CCND3: variants seen among roughly 807,000 people sequenced by gnomAD.
CCND3 encodes the protein G1/S-specific cyclin-D3.
CCND3 carries 9 observed loss-of-function variants against 28.7 expected under a neutral mutation model. The ratio of observed to expected loss-of-function variants is 0.31; its 90% CI spans 0.19 to 0.55. CCND3 has a LOEUF of 0.55. CCND3 is among the 20% of genes least tolerant of loss of function. The pLI, the probability that CCND3 is intolerant of heterozygous loss-of-function variation, is 0.93. For synonymous variants in CCND3, 164 were observed against 163.9 expected (o/e 1.00, Z 0.00); for missense variants, 315 against 385.8 (o/e 0.82, Z 1.54).
chr6:42,002,582 G>A (rs1763042802), intron 1 of CCND3, among the ~76,000 whole-genome samples: 3 of 152,310 alleles, frequency 2.0e-5, no homozygotes, highest in South Asian at 4.1e-4. Flanking sequence ...GCTGGGCGTG[G>A]TGGCTCACGC....
At chr6:42,036,016 A>G (rs983039734) in intron 1 of CCND3, among the ~76,000 whole-genome samples, 4 of 149,884 alleles carry the variant, frequency 2.7e-5, no homozygotes, top group Non-Finnish European at 5.9e-5. Context: ...TTTGAGACAG[A>G]GTCTTGCTCT....
chr6:42,022,726 C>T (rs1013357597), intron 1 of CCND3, among the ~76,000 whole-genome samples: 2 of 152,102 alleles, frequency 1.3e-5, no homozygotes, highest in Admixed American at 6.5e-5. Context: ...GGGTCTGGCT[C>T]GCAAGGGAGG....
rs200046302 is a variant in CCND3 at position 41,936,008 on chromosome 6, G to T, written c.811C>A (p.Arg271=). The T allele has an allele frequency of 1.2e-6, 2 of 1,612,938 alleles. No individual in the cohort carries two copies. The highest frequency in any genetic ancestry group is 1.3e-5 in the African/African-American group (1 of 75,008). ...CTGGGCCCTTGGCTGCTGGAGCCCC[G>T]GGGGGCTTTGGGCGCTGGGCTGGAG... ...TSSSPAPKAP[R]GSSSQGPSQT... Residue 271 remains arginine, a synonymous_variant, in exon 5 of 5, where the codon CGG becomes AGG. Transcript: ENST00000372991. This position sits in a 1 kb window ranked among gnomAD's most constrained non-coding sequence, Gnocchi z 4.4.
intron 1 of CCND3, among the ~76,000 whole-genome samples, chr6:41,978,413 G>A (rs999626756): frequency 6.6e-6 from 1 of 150,910 alleles, no homozygotes; most frequent in Non-Finnish European, 1.5e-5. Context: ...GCGCATCCCC[G>A]TAATCCCAGC....
chr6:41,953,038 G>A (rs1213110536), intron 1 of CCND3, among the ~76,000 whole-genome samples: 2 of 152,076 alleles, frequency 1.3e-5, no homozygotes, highest in Non-Finnish European at 2.9e-5. Context: ...TTGGGAGGCC[G>A]AGCCAGGCAG....
chr6:42,022,872 G>A (rs771685687), intron 1 of CCND3, among the ~76,000 whole-genome samples: 2 of 152,128 alleles, frequency 1.3e-5, no homozygotes, highest in Non-Finnish European at 2.9e-5. Context: ...GTGGGATGGC[G>A]CTGGCCTAAG....
At chr6:42,027,613 A>C (rs1763917352) in intron 1 of CCND3, among the ~76,000 whole-genome samples, 1 of 152,034 alleles carries the variant, frequency 6.6e-6, no homozygotes, top group African/African-American at 2.4e-5. Context: ...AACCCAACCC[A>C]TGGGGAAGGT....
At chr6:42,035,024 G>C (rs937271712) in intron 1 of CCND3, among the ~76,000 whole-genome samples, 1 of 152,104 alleles carries the variant, frequency 6.6e-6, no homozygotes, top group African/African-American at 2.4e-5. Flanking sequence ...ATGGTAAATG[G>C]TAATGGCCAT....
chr6:41,956,428 C>G (rs1776437520), intron 1 of CCND3, among the ~76,000 whole-genome samples: 1 of 152,240 alleles, frequency 6.6e-6, no homozygotes, highest in African/African-American at 2.4e-5. Flanking sequence ...GCCTCCATTA[C>G]CAACCTGGCC....
At chr6:41,956,291 CAAAAA>C (rs891937876) in intron 1 of CCND3, among the ~76,000 whole-genome samples, 8 of 151,118 alleles carry the variant, frequency 5.3e-5, no homozygotes, top group Non-Finnish European at 8.9e-5. Flanking sequence ...GACTCCTTCT[CAAAAA>C]AAATAAAATA....
Position 41,962,616 on chromosome 6 carries a change from G to A in CCND3, c.-45-22031C>T, listed in dbSNP as rs1318369947. 3.3e-5 allele frequency among the ~76,000 whole-genome samples: 5 copies of A among 152,182 alleles called. No homozygotes were observed. The South Asian group carries it at 6.2e-4, about 19-fold the overall frequency. ...AAAAATTAAAAATTACCTAAATGTG[G>A]TGTGCACCTATAGTCCTATTTACTG... On this transcript the variant is annotated intron_variant, in intron 1 of 4. Transcript: ENST00000372988.
chr6:41,949,181 C>A (rs1345703362), intron 1 of CCND3, among the ~76,000 whole-genome samples: 2 of 152,112 alleles, frequency 1.3e-5, no homozygotes, highest in Non-Finnish European at 2.9e-5. Flanking sequence ...GACCCCATTA[C>A]TACAAAAGAA....
rs1775865560 is a variant in CCND3, at chr6:41,938,032, C to T, written c.415-638G>A. 1.3e-5 allele frequency: 2 copies of T among 153,718 alleles called. No homozygotes were observed. The highest frequency in any genetic ancestry group is 2.0e-4 in the South Asian group (1 of 4,924). The allele number at this position is 153,718 out of a possible 1,614,324, so 9.5% of individuals were successfully genotyped here. A position where few individuals can be genotyped will look rare whatever the true frequency, so the allele number is the denominator to read the frequency against. On this transcript the variant is annotated intron_variant, in intron 2 of 4. Coordinates refer to ENST00000372991, the MANE Select transcript of CCND3 (RefSeq NM_001760.5). This position sits in a 1 kb window ranked among gnomAD's most constrained non-coding sequence, Gnocchi z 4.6. The stretch of plus-strand genomic sequence containing the variant: ...GGTCCTGAGGTATAGCACCCCACCC[C>T]ACCCCCTTTAGCTGGAACCCGTAGT...
intron 1 of CCND3, among the ~76,000 whole-genome samples, chr6:42,037,332 G>A (rs1416179764): frequency 6.6e-6 from 1 of 151,432 alleles, no homozygotes; most frequent in Non-Finnish European, 1.5e-5. Context: ...CTGACTCCCT[G>A]GTTCAAGCGA....
chr6:41,961,984 A>T (rs1208882771), intron 1 of CCND3, among the ~76,000 whole-genome samples: 1 of 152,172 alleles, frequency 6.6e-6, no homozygotes, highest in Non-Finnish European at 1.5e-5. Flanking sequence ...TGTCTCTGGA[A>T]TCTGGTCCTT....
chr6:42,009,675 C>T (rs1359715356), intron 1 of CCND3, among the ~76,000 whole-genome samples: 3 of 151,914 alleles, frequency 2.0e-5, no homozygotes, highest in African/African-American at 4.8e-5. Context: ...GGGGTGGTGG[C>T]ACACGCCCAT....
chr6:42,021,595 C>G (rs1763715146), intron 1 of CCND3, among the ~76,000 whole-genome samples: 1 of 152,132 alleles, frequency 6.6e-6, no homozygotes, highest in South Asian at 2.1e-4. Flanking sequence ...AAACACCACC[C>G]AGGAGGCAGG....
At chr6:41,961,048 G>T (rs1461736260) in intron 1 of CCND3, among the ~76,000 whole-genome samples, 1 of 152,180 alleles carries the variant, frequency 6.6e-6, no homozygotes, top group Non-Finnish European at 1.5e-5. Flanking sequence ...AAGGAAAGAA[G>T]CACAGGCTGA....
At chr6:42,027,647 G>A (rs1299183855) in intron 1 of CCND3, among the ~76,000 whole-genome samples, 1 of 152,142 alleles carries the variant, frequency 6.6e-6, no homozygotes, top group South Asian at 2.1e-4. Context: ...GAAAGTGTGT[G>A]GGCTTAACAC....
Sources: gnomAD v4.1 joint callset for allele counts (sites outside exome capture counted in the v4.1 genomes callset) on GRCh38, gnomAD v4.1.1 for gene constraint, Gnocchi (gnomAD v3.1) non-coding constraint, MANE v1.5 for transcripts, NCBI Gene and HGNC (gene_info 2026-07-23, HGNC 2026-07-21) for gene names.